NELL2: variants seen among roughly 807,000 people sequenced by gnomAD.
The protein encoded by NELL2 is neural EGFL like 2, also known as protein kinase C-binding protein NELL2.
Under a neutral mutation model 109.6 loss-of-function variants are expected in NELL2, and 41 were observed. The observed-to-expected ratio is 0.37, with a 90% CI of 0.29 to 0.49. The LOEUF is 0.49. NELL2 is among the 20% of genes least tolerant of loss of function. The probability of loss-of-function intolerance (pLI) is 0.98; values close to 1 mark genes in which losing one functional copy is unlikely to be tolerated. For synonymous variants in NELL2, 355 were observed against 344.7 expected (o/e 1.03, Z -0.33); for missense variants, 900 against 1,008.3 (o/e 0.89, Z 1.45).
At chr12:44,816,267 CT>C in intron 2 of NELL2, 131 bp from the exon 3 acceptor site, 1 of 690,556 alleles carries the variant, frequency 1.4e-6, no homozygotes. Flanking sequence ...GTTTCAGACT[CT>C]TGGTAAATTA....
rs547808514 is a variant in NELL2 at position 44,554,119 on chromosome 12, A to G, written c.1664-21398T>C. Among the ~76,000 whole-genome samples, 32 of 152,204 alleles carry G rather than the reference A, an allele frequency of 2.1e-4. 1 individual carries two copies. The South Asian group carries it at 6.0e-3, about 29-fold the overall frequency. On this transcript the variant is annotated intron_variant, in intron 15 of 19. Coordinates refer to ENST00000429094, the MANE Select transcript of NELL2 (RefSeq NM_001145108.2). ...TTATCATGAGGAATCTGCAGAATGGACTCCAAACTTGAGCTATAAAATAAT... is the reference window on the plus strand; with the variant it reads ...TTATCATGAGGAATCTGCAGAATGGGCTCCAAACTTGAGCTATAAAATAAT...
At chr12:44,690,438 A>G (rs997540764) in intron 12 of NELL2, among the ~76,000 whole-genome samples, 6 of 152,134 alleles carry the variant, frequency 3.9e-5, no homozygotes, top group Non-Finnish European at 8.8e-5. Context: ...ATTCAGAAGG[A>G]CTGAGATAAA....
At chr12:44,668,667 C>T (rs74507328) in intron 12 of NELL2, among the ~76,000 whole-genome samples, 1,947 of 152,170 alleles carry the variant, frequency 0.013, 22 homozygotes, top group Non-Finnish European at 0.02. Context: ...CTGGAATACA[C>T]GCACACTATC....
intron 3 of NELL2, among the ~76,000 whole-genome samples, chr12:44,801,198 A>G (rs964553300): frequency 6.6e-6 from 1 of 152,176 alleles, no homozygotes; most frequent in African/African-American, 2.4e-5. Flanking sequence ...AGTTTGAAAA[A>G]TTAAAAGACA....
intron 12 of NELL2, among the ~76,000 whole-genome samples, chr12:44,699,578 A>G (rs577693830): frequency 6.6e-6 from 1 of 152,080 alleles, no homozygotes; most frequent in Admixed American, 6.6e-5. Flanking sequence ...TTGTAGGCAA[A>G]CACCTAGAAG....
chr12:44,790,605 A>C (rs181248286), intron 3 of NELL2, among the ~76,000 whole-genome samples: 239 of 152,200 alleles, frequency 1.6e-3, no homozygotes, highest in African/African-American at 5.6e-3. Flanking sequence ...ACAACAACAA[A>C]AAAAGCCAAA....
At chr12:44,699,223 G>A (rs1949149586) in intron 12 of NELL2, among the ~76,000 whole-genome samples, 1 of 152,012 alleles carries the variant, frequency 6.6e-6, no homozygotes, top group Non-Finnish European at 1.5e-5. Context: ...ATCTATAGGA[G>A]GTGAGATGGA....
chr12:44,820,957 G>A (rs1012115005), intron 2 of NELL2, among the ~76,000 whole-genome samples: 2 of 151,954 alleles, frequency 1.3e-5, no homozygotes, highest in African/African-American at 2.4e-5. Flanking sequence ...AATCACAGGA[G>A]TCACAGGAAT....
intron 9 of NELL2, among the ~76,000 whole-genome samples, chr12:44,761,940 T>A (rs1941143731): frequency 6.6e-6 from 1 of 152,214 alleles, no homozygotes; most frequent in Non-Finnish European, 1.5e-5. Context: ...TGTTCAGTAT[T>A]CAGGTGATGG....
intron 15 of NELL2, among the ~76,000 whole-genome samples, chr12:44,572,748 A>G (rs1943922445): frequency 6.6e-6 from 1 of 152,204 alleles, no homozygotes; most frequent in African/African-American, 2.4e-5. Context: ...ACCACCATCA[A>G]TTAAATGAGT....
chr12:44,826,706 C>T (rs1239910501), intron 2 of NELL2, among the ~76,000 whole-genome samples: 1 of 152,118 alleles, frequency 6.6e-6, no homozygotes, highest in African/African-American at 2.4e-5. Flanking sequence ...GGCTCAAAAT[C>T]ACAGGTCGTT....
intron 15 of NELL2, among the ~76,000 whole-genome samples, chr12:44,589,045 A>T (rs1268595743): frequency 6.6e-6 from 1 of 152,174 alleles, no homozygotes; most frequent in Non-Finnish European, 1.5e-5. Context: ...GGTACCATTA[A>T]CTCCTTTTCA....
chr12:44,558,070 C>T (rs1040360189), intron 15 of NELL2, among the ~76,000 whole-genome samples: 2 of 151,880 alleles, frequency 1.3e-5, no homozygotes, highest in Non-Finnish European at 2.9e-5. Context: ...AAAAAGTTTG[C>T]CTATGAAGGA....
At chr12:44,605,914 C>T (rs151128143) in intron 15 of NELL2, among the ~76,000 whole-genome samples, 231 of 152,128 alleles carry the variant, frequency 1.5e-3, no homozygotes, top group African/African-American at 5.4e-3. Flanking sequence ...AGTAGAGGTG[C>T]CTGATTTGAT....
intron 2 of NELL2, among the ~76,000 whole-genome samples, chr12:44,857,319 C>A (rs1566543164): frequency 6.6e-6 from 1 of 152,092 alleles, no homozygotes; most frequent in Non-Finnish European, 1.5e-5. Flanking sequence ...ACAGGTGCTA[C>A]TGGAATCGAA....
chr12:44,791,804 T>C lies in NELL2; in HGVS notation c.336-11782A>G, dbSNP rs74078930. Among the ~76,000 whole-genome samples the C allele has an allele frequency of 5.2e-3, 787 of 152,114 alleles. 9 individuals are homozygous for C. Among genetic ancestry groups the C allele is most frequent in the African/African-American group, 0.018 (751 of 41,510 alleles). ...GATATGTTATATTTAAGGTACCTAA[T>C]GAACATTCAAGAGGACATATAGAAA... On this transcript the variant is annotated intron_variant, in intron 3 of 19. Transcript: ENST00000429094.
At chr12:44,644,380 G>A (rs150053598) in intron 13 of NELL2, among the ~76,000 whole-genome samples, 15 of 151,618 alleles carry the variant, frequency 9.9e-5, no homozygotes, top group African/African-American at 3.1e-4. Context: ...GAGAACCATG[G>A]CAACCACCTA....
At chr12:44,802,196 A>T (rs963876307) in intron 3 of NELL2, among the ~76,000 whole-genome samples, 2 of 152,130 alleles carry the variant, frequency 1.3e-5, no homozygotes, top group Admixed American at 6.6e-5. Flanking sequence ...GAATCCTGAT[A>T]AACTGGAGGT....
intron 12 of NELL2, among the ~76,000 whole-genome samples, chr12:44,681,672 GT>G (rs1335126767): frequency 6.6e-6 from 1 of 151,968 alleles, no homozygotes; most frequent in South Asian, 2.1e-4. Context: ...GCGGTGTTTG[GT>G]TTTTTGTTCT....
Sources: gnomAD v4.1 joint callset for allele counts (sites outside exome capture counted in the v4.1 genomes callset) on GRCh38, gnomAD v4.1.1 for gene constraint, MANE v1.5 for transcripts, NCBI Gene and HGNC (gene_info 2026-07-23, HGNC 2026-07-21) for gene names.